Variants in LRRC37A observed in about 807,000 individuals in gnomAD.
The protein encoded by LRRC37A is leucine-rich repeat-containing protein 37A.
A neutral mutation model predicts 35.4 loss-of-function variants in LRRC37A; 3 were observed. The observed-to-expected ratio is 0.08, with a 90% confidence interval of 0.04 to 0.22. LRRC37A has a LOEUF of 0.22. Ranked by LOEUF, LRRC37A falls within the 10% of genes least tolerant of loss-of-function variation. The pLI, the probability that LRRC37A is intolerant of heterozygous loss-of-function variation, is 1.00. For missense variants in LRRC37A, 67 were observed against 565.3 expected (o/e 0.12, Z 8.94); for synonymous variants, 23 against 215.0 (o/e 0.11, Z 7.81).
the LRRC37A span, among the ~76,000 whole-genome samples, chr17:46,281,524 G>T: frequency 6.6e-6 from 1 of 152,074 alleles, no homozygotes; most frequent in Non-Finnish European, 1.5e-5. Context: ...TGAACTCCTG[G>T]GCACAAGTGA....
the LRRC37A span, among the ~76,000 whole-genome samples, chr17:46,281,935 CGCCTA>C: frequency 9.2e-5 from 14 of 152,086 alleles, no homozygotes; most frequent in Admixed American, 9.2e-4. Context: ...TGAGCCATCA[CGCCTA>C]GCCTAGTTTT....
At chr17:46,285,910 G>A in the LRRC37A span, among the ~76,000 whole-genome samples, 1,263 of 123,728 alleles carry the variant, frequency 0.01, no homozygotes, top group Admixed American at 0.018. Context: ...TGTAAGGAAC[G>A]GAGCACCCTC....
chr17:46,284,118 G>A, the LRRC37A span, among the ~76,000 whole-genome samples: 3 of 152,228 alleles, frequency 2.0e-5, no homozygotes, highest in Admixed American at 2.0e-4. Flanking sequence ...ACTGCAAAGA[G>A]GCATTCCTTC....
the LRRC37A span, among the ~76,000 whole-genome samples, chr17:46,248,579 G>A: frequency 6.6e-5 from 10 of 152,022 alleles, no homozygotes; most frequent in African/African-American, 2.4e-4. Context: ...CAGTGCAGCG[G>A]CATGACCTAG....
chr17:46,255,426 C>A, the LRRC37A span, among the ~76,000 whole-genome samples: 15 of 139,478 alleles, frequency 1.1e-4, no homozygotes. Context: ...AGTGCAGTGG[C>A]GCGATCTCTG....
upstream of LRRC37A, among the ~76,000 whole-genome samples, chr17:46,291,436 CTAACAG>C (rs1466659626): frequency 1.3e-5 from 2 of 151,872 alleles, no homozygotes; most frequent in Non-Finnish European, 2.9e-5. Context: ...TGGCTGAACA[CTAACAG>C]TAAGAGTTTC....
the LRRC37A span, among the ~76,000 whole-genome samples, chr17:46,262,318 G>C: frequency 6.6e-6 from 1 of 152,220 alleles, no homozygotes; most frequent in Non-Finnish European, 1.5e-5. Flanking sequence ...ATAGGCGTGA[G>C]CCACTGCGCC....
chr17:46,263,873 A>AG, the LRRC37A span, among the ~76,000 whole-genome samples: 7 of 130,764 alleles, frequency 5.4e-5, no homozygotes, highest in East Asian at 2.0e-4. Context: ...AAAAAAAAAA[A>AG]AGAGAGAGAG....
the LRRC37A span, among the ~76,000 whole-genome samples, chr17:46,253,420 C>A: frequency 6.6e-6 from 1 of 152,080 alleles, no homozygotes; most frequent in Non-Finnish European, 1.5e-5. Flanking sequence ...GAGGTTGTAG[C>A]CAGCCGAGAT....
the LRRC37A span, among the ~76,000 whole-genome samples, chr17:46,282,291 G>A: frequency 6.6e-6 from 1 of 151,974 alleles, no homozygotes; most frequent in South Asian, 2.1e-4. Flanking sequence ...TTTTAGTAGA[G>A]ACGGGGTTTC....
In LRRC37A at chr17:46,317,088, G is replaced by A. The variant is rs1208000612; in HGVS notation, c.2907-5234G>A. Among the ~76,000 whole-genome samples the A allele has an allele frequency of 3.7e-4, 31 of 84,036 alleles. 2 individuals carry two copies. Among genetic ancestry groups the A allele is most frequent in the African/African-American group, 8.7e-4 (28 of 32,348 alleles). The allele number at this position is 84,036 out of a possible 152,430, so 55.1% of individuals were successfully genotyped here. A position where few individuals can be genotyped will look rare whatever the true frequency, so the allele number is the denominator to read the frequency against. ...TCCCCCTTTTCTATTCAACAAAACC[G>A]CCATTGTCATCATGGCCCGTTCTCA... is the stretch of plus-strand genomic sequence containing the variant. On this transcript the variant is annotated intron_variant, in intron 5 of 13. Transcript: ENST00000320254.
intron 10 of LRRC37A, chr17:46,334,759 C>A (rs1438431095): frequency 9.3e-6 from 1 of 107,734 alleles, no homozygotes; most frequent in African/African-American, 3.4e-5. Context: ...TAAGTGCCAG[C>A]TGCATGCAAG....
chr17:46,251,869 C>A, the LRRC37A span, among the ~76,000 whole-genome samples: 2 of 151,928 alleles, frequency 1.3e-5, no homozygotes, highest in Non-Finnish European at 2.9e-5. Context: ...GAGCTTAGGG[C>A]CTGATTCTGG....
At chr17:46,257,452 CAAAAAAAAA>C in the LRRC37A span, among the ~76,000 whole-genome samples, 1 of 83,322 alleles carries the variant, frequency 1.2e-5, no homozygotes. Context: ...GACTCTGTCT[CAAAAAAAAA>C]AAAAAAAAAA....
At chr17:46,292,982 C>A (rs2143482809), upstream of LRRC37A, 1 of 39,002 alleles carries the variant, frequency 2.6e-5, no homozygotes, top group African/African-American at 6.3e-5. Flanking sequence ...GAGATGGAGT[C>A]TCGCTCTGTT....
At chr17:46,317,108 T>C in intron 5 of LRRC37A, among the ~76,000 whole-genome samples, 1 of 87,276 alleles carries the variant, frequency 1.1e-5, no homozygotes, top group South Asian at 4.5e-4. Context: ...TCATGGCCCG[T>C]TCTCAATGAG....
the LRRC37A span, among the ~76,000 whole-genome samples, chr17:46,254,568 G>T: frequency 4.7e-5 from 7 of 150,028 alleles, no homozygotes; most frequent in Admixed American, 4.7e-4. Context: ...TTGAGACGCA[G>T]TCTCATTTTG....
the LRRC37A span, among the ~76,000 whole-genome samples, chr17:46,281,163 T>C: frequency 6.6e-6 from 1 of 152,216 alleles, no homozygotes; most frequent in Non-Finnish European, 1.5e-5. Context: ...GTGATGTATG[T>C]AGGAGTGAGT....
At chr17:46,252,634 A>G in the LRRC37A span, among the ~76,000 whole-genome samples, 1 of 149,324 alleles carries the variant, frequency 6.7e-6, no homozygotes, top group African/African-American at 2.4e-5. Context: ...CACCGCCCTT[A>G]ATCCATTTAA....
Sources: gnomAD v4.1 joint callset for allele counts (sites outside exome capture counted in the v4.1 genomes callset) on GRCh38, gnomAD v4.1.1 for gene constraint, MANE v1.5 for transcripts, NCBI Gene and HGNC (gene_info 2026-07-23, HGNC 2026-07-21) for gene names.